The following SLC35F3 variants were observed in gnomAD, a reference collection of about 807,000 sequenced individuals.
SLC35F3 encodes solute carrier family 35 member F3.
SLC35F3 carries 25 observed loss-of-function variants against 49.9 expected under a neutral mutation model. The ratio of observed to expected loss-of-function variants is 0.50; its 90% CI spans 0.37 to 0.70. SLC35F3 has a LOEUF of 0.70. SLC35F3 is among the 30% of genes least tolerant of loss of function. The pLI, the probability that SLC35F3 is intolerant of heterozygous loss-of-function variation, is 0.00. For missense variants in SLC35F3, 525 were observed against 639.8 expected, an observed-to-expected ratio of 0.82 and a Z score of 1.94; for synonymous variants, 275 against 265.4, an observed-to-expected ratio of 1.04 and a Z score of -0.35.
intron 2 of SLC35F3, among the ~76,000 whole-genome samples, chr1:233,972,713 C>CT (rs886968351): frequency 6.6e-6 from 1 of 152,174 alleles, no homozygotes; most frequent in Non-Finnish European, 1.5e-5. Flanking sequence ...CAACGAAGGC[C>CT]TTTTTCTCAT....
intron 2 of SLC35F3, among the ~76,000 whole-genome samples, chr1:234,060,912 A>G (rs1398150263): frequency 6.6e-6 from 1 of 152,144 alleles, no homozygotes; most frequent in Non-Finnish European, 1.5e-5. Flanking sequence ...AATATATTCT[A>G]TTTCTATGTC....
chr1:234,303,502 C>G (rs1016087408), intron 3 of SLC35F3, among the ~76,000 whole-genome samples: 5 of 152,216 alleles, frequency 3.3e-5, no homozygotes, highest in Non-Finnish European at 7.3e-5. Context: ...GGTCTACACC[C>G]TTGCTTTGGT....
chr1:234,257,455 T>A (rs1203471209), intron 3 of SLC35F3, among the ~76,000 whole-genome samples: 14 of 152,238 alleles, frequency 9.2e-5, no homozygotes, highest in Non-Finnish European at 1.6e-4. Flanking sequence ...TTTGTCTTTT[T>A]AAGATTTGCC....
At chr1:234,237,632 G>A (rs543596114) in intron 3 of SLC35F3, among the ~76,000 whole-genome samples, 24 of 152,268 alleles carry the variant, frequency 1.6e-4, no homozygotes, top group African/African-American at 4.6e-4. Flanking sequence ...ATCAACAGTT[G>A]TTCTTTATAG....
intron 2 of SLC35F3, among the ~76,000 whole-genome samples, chr1:233,941,548 G>A (rs7517563): frequency 0.28 from 42,633 of 151,930 alleles, 6,589 homozygotes; most frequent in African/African-American, 0.41. Context: ...TTTGTGCCCA[G>A]AACACATTTG....
chr1:234,151,104 G>A (rs188536725), intron 2 of SLC35F3, among the ~76,000 whole-genome samples: 1 of 152,232 alleles, frequency 6.6e-6, no homozygotes. Flanking sequence ...CTGGGATGGG[G>A]CCCACACTGA....
intron 2 of SLC35F3, among the ~76,000 whole-genome samples, chr1:234,177,496 C>G (rs1321931642): frequency 6.6e-6 from 1 of 152,134 alleles, no homozygotes; most frequent in Non-Finnish European, 1.5e-5. Flanking sequence ...ATGAAAAAGC[C>G]TAGGGGTTCA....
intron 2 of SLC35F3, among the ~76,000 whole-genome samples, chr1:233,942,555 GGTGTGCTGCCAGCACACCTGACTAATTA>G (rs985343516): frequency 6.6e-6 from 1 of 152,008 alleles, no homozygotes; most frequent in Non-Finnish European, 1.5e-5. Flanking sequence ...TGAGGCTACA[GGTGTGCTGCCAGCACACCTGACTAATTA>G]TTGTAATTTT....
At chr1:233,927,199 G>A (rs1662174008) in intron 2 of SLC35F3, among the ~76,000 whole-genome samples, 1 of 152,068 alleles carries the variant, frequency 6.6e-6, no homozygotes, top group Non-Finnish European at 1.5e-5. Context: ...TATGAATAAA[G>A]TTTCTATAAA....
intron 2 of SLC35F3, among the ~76,000 whole-genome samples, chr1:233,907,557 T>C (rs989606513): frequency 1.3e-5 from 2 of 152,220 alleles, no homozygotes; most frequent in Non-Finnish European, 2.9e-5. Context: ...CTCTCTCTAT[T>C]CCTGTGAGGA....
chr1:233,941,953 TG>T (rs1473724482), intron 2 of SLC35F3, among the ~76,000 whole-genome samples: 9 of 109,646 alleles, frequency 8.2e-5, no homozygotes, highest in Non-Finnish European at 1.5e-4. Flanking sequence ...GGTTGTTTTT[TG>T]TTTTTTTGTT....
At chr1:234,140,002 A>AATAAAATAAAATAAAAAAATAAAAAAAT in intron 2 of SLC35F3, among the ~76,000 whole-genome samples, 2 of 105,366 alleles carry the variant, frequency 1.9e-5, no homozygotes, top group Non-Finnish European at 4.7e-5. Flanking sequence ...AATAAAATAA[A>AATAAAATAAAATAAAAAAATAAAAAAAT]GTAAGTGACT....
chr1:234,291,542 T>C (rs1668508283), intron 3 of SLC35F3, among the ~76,000 whole-genome samples: 1 of 152,188 alleles, frequency 6.6e-6, no homozygotes, highest in South Asian at 2.1e-4. Flanking sequence ...CATGGCTCAC[T>C]GCAGTCTCTT....
chr1:234,134,883 G>A lies in SLC35F3; in HGVS notation c.284-96534G>A, dbSNP rs146095934. ...ATTACAGGCATGTGCCACCACGCCCGGATAATTTTTGTATTTTTAGTAGAG... is the reference window on the plus strand; with the variant it reads ...ATTACAGGCATGTGCCACCACGCCCAGATAATTTTTGTATTTTTAGTAGAG... On this transcript the variant is annotated intron_variant, in intron 2 of 7. Transcript: ENST00000366618. Among the ~76,000 whole-genome samples, 1,197 of 152,040 alleles carry A rather than the reference G, an allele frequency of 7.9e-3. 13 individuals carry two copies. Among genetic ancestry groups the A allele is most frequent in the Non-Finnish European group, 0.011 (747 of 67,990 alleles).
intron 2 of SLC35F3, among the ~76,000 whole-genome samples, chr1:233,911,219 G>C (rs1032125717): frequency 6.6e-6 from 1 of 152,110 alleles, no homozygotes; most frequent in African/African-American, 2.4e-5. Flanking sequence ...GTGCTAAATG[G>C]AACAGTGACT....
intron 3 of SLC35F3, among the ~76,000 whole-genome samples, chr1:234,293,731 G>A (rs905094024): frequency 1.3e-5 from 2 of 152,140 alleles, no homozygotes; most frequent in African/African-American, 4.8e-5. Context: ...TCCTGGGGCT[G>A]GCCTTGAAAA....
intron 2 of SLC35F3, among the ~76,000 whole-genome samples, chr1:234,173,936 G>A (rs1323349561): frequency 6.6e-6 from 1 of 152,198 alleles, no homozygotes; most frequent in African/African-American, 2.4e-5. Flanking sequence ...TCTGGAGCCT[G>A]GGGAATGTGC....
In SLC35F3 at chr1:234,214,217, T is replaced by C. The variant is rs1354399932; in HGVS notation, c.284-17200T>C. 5 of 1,191,424 alleles carry C rather than the reference T, an allele frequency of 4.2e-6. No homozygotes were observed. Among genetic ancestry groups the C allele is most frequent in the East Asian group, 8.0e-5 (2 of 25,094 alleles). The allele number at this position is 1,191,424 out of a possible 1,614,324, so 73.8% of individuals were successfully genotyped here. On this transcript the variant is annotated intron_variant, in intron 2 of 7. Transcript: ENST00000366618. This position sits in a 1 kb window ranked among gnomAD's most constrained non-coding sequence, Gnocchi z 8.0. ...GCAGGGAGTGCACTTGTACGTGACG[T>C]TGGAGTTTGCAGCAACCTCCAAGTA...
intron 3 of SLC35F3, among the ~76,000 whole-genome samples, chr1:234,303,576 T>G (rs1187806103): frequency 6.6e-6 from 1 of 152,242 alleles, no homozygotes; most frequent in African/African-American, 2.4e-5. Context: ...GAAAATGCCT[T>G]CAATCTACCT....
Sources: allele counts gnomAD v4.1 joint callset (sites outside exome capture counted in the v4.1 genomes callset), GRCh38; gene constraint gnomAD v4.1.1; non-coding constraint Gnocchi (gnomAD v3.1); transcripts MANE v1.5; gene names NCBI Gene and HGNC (gene_info 2026-07-23, HGNC 2026-07-21).